The following NFASC variants were observed in gnomAD, a reference collection of about 807,000 sequenced individuals.
NFASC encodes neurofascin.
A neutral mutation model predicts 147.5 loss-of-function variants in NFASC; 43 were observed. That is an observed-to-expected ratio of 0.29 (90% CI 0.23 to 0.38). The LOEUF (loss-of-function observed/expected upper bound fraction) is 0.38. Ranked by LOEUF, NFASC falls within the 10% of genes least tolerant of loss-of-function variation. The probability of loss-of-function intolerance (pLI) is 1.00; values close to 1 mark genes in which losing one functional copy is unlikely to be tolerated. For synonymous variants in NFASC, 622 were observed against 665.5 expected (o/e 0.93, Z 1.01); for missense variants, 1,320 against 1,689.0 (o/e 0.78, Z 3.83).
At chr1:204,995,340 G>A (rs934495822) in intron 24 of NFASC, among the ~76,000 whole-genome samples, 21 of 151,786 alleles carry the variant, frequency 1.4e-4, no homozygotes, top group African/African-American at 5.1e-4. Flanking sequence ...GTGTGTGTGT[G>A]TGTGTGTGTG....
intron 20 of NFASC, 93 bp from the exon 21 acceptor site, chr1:204,981,705 A>C (rs761839791): frequency 2.5e-6 from 2 of 786,296 alleles, no homozygotes; most frequent in South Asian, 3.9e-5. Flanking sequence ...GCACATCTGG[A>C]AGGGATGCCT....
In NFASC at chr1:205,015,464, C is replaced by T. The variant is rs149096090; in HGVS notation, c.3492-844C>T. On this transcript the variant is annotated intron_variant, in intron 29 of 29. Coordinates refer to ENST00000339876, the MANE Select transcript of NFASC (RefSeq NM_001005388.3). This position sits in a 1 kb window ranked among gnomAD's most constrained non-coding sequence, Gnocchi z 4.0. ...CAGACGCTGGCTCAGAGAGCAGCCCCGCGCCTCCTCAGGAGCACAGCAGAC... is the reference window on the plus strand; with the variant it reads ...CAGACGCTGGCTCAGAGAGCAGCCCTGCGCCTCCTCAGGAGCACAGCAGAC... Among the ~76,000 whole-genome samples the T allele has an allele frequency of 3.3e-5, 5 of 152,310 alleles. 1 individual carries two copies. Among genetic ancestry groups the T allele is most frequent in the South Asian group, 4.1e-4 (2 of 4,826 alleles).
rs889210118 is a variant in NFASC at position 205,015,144 on chromosome 1, G to A, written c.3492-1164G>A. ...CGACACTGCTATTAGAAGTGAGAAC[G>A]CACTGCCCACTATAATGGCAACTCA... On this transcript the variant is annotated intron_variant, in intron 29 of 29. Transcript: ENST00000339876. The surrounding 1 kb of genome is among the most constrained non-coding windows in gnomAD (Gnocchi z 4.0). 6.6e-6 allele frequency among the ~76,000 whole-genome samples: 1 copy of A among 152,176 alleles called. No homozygotes were observed. The highest frequency in any genetic ancestry group is 2.4e-5 in the African/African-American group (1 of 41,444).
At chr1:204,960,104 G>T (rs2150101705) in intron 8 of NFASC, among the ~76,000 whole-genome samples, 1 of 152,274 alleles carries the variant, frequency 6.6e-6, no homozygotes, top group African/African-American at 2.4e-5. Flanking sequence ...GAGGACACAG[G>T]CTTTCTCTTG....
intron 8 of NFASC, among the ~76,000 whole-genome samples, chr1:204,958,689 T>C (rs563527951): frequency 6.6e-6 from 1 of 152,318 alleles, no homozygotes; most frequent in East Asian, 1.9e-4. Context: ...GTCTGACTCA[T>C]GCTGTGAGTG....
At chr1:204,910,803 C>T (rs2087254797) in intron 1 of NFASC, among the ~76,000 whole-genome samples, 1 of 149,952 alleles carries the variant, frequency 6.7e-6, no homozygotes, top group South Asian at 2.1e-4. Flanking sequence ...TTTGCCTGGC[C>T]TCATATATTA....
chr1:205,016,599 A>G lies in NFASC; in HGVS notation c.*60A>G. On this transcript the variant is annotated 3_prime_UTR_variant, in exon 30 of 30. Transcript: ENST00000339876. The surrounding 1 kb of genome is among the most constrained non-coding windows in gnomAD (Gnocchi z 5.1). ...GTGGGAGGAGGGGAGAAGGGGAGAC[A>G]AAACCACTGCAGACCTACCACGAAG... The G allele has an allele frequency of 8.1e-7, 1 of 1,233,844 alleles. No individual in the cohort carries two copies. Among genetic ancestry groups the G allele is most frequent in the Non-Finnish European group, 1.2e-6 (1 of 838,026 alleles). The allele number at this position is 1,233,844 out of a possible 1,614,324, so 76.4% of individuals were successfully genotyped here.
At chr1:204,977,798 A>T (rs2095437054) in intron 17 of NFASC, 73 bp downstream of exon 17, 1 of 1,446,788 alleles carries the variant, frequency 6.9e-7, no homozygotes, top group Non-Finnish European at 9.6e-7. Context: ...TGGGAGAAGG[A>T]AGCCACTTTG....
At chr1:204,982,319 G>A (rs2095524093) in intron 21 of NFASC, among the ~76,000 whole-genome samples, 1 of 152,224 alleles carries the variant, frequency 6.6e-6, no homozygotes, top group African/African-American at 2.4e-5. Flanking sequence ...AGTCATCAAT[G>A]TCAGTCTTGA....
chr1:204,919,464 A>C (rs763367745), intron 1 of NFASC, among the ~76,000 whole-genome samples: 2 of 152,102 alleles, frequency 1.3e-5, no homozygotes, highest in East Asian at 1.9e-4. Context: ...ATTTTCTATC[A>C]TGTGTTTTTC....
At chr1:204,938,595 A>G (rs1225631003) in intron 2 of NFASC, among the ~76,000 whole-genome samples, 1 of 152,112 alleles carries the variant, frequency 6.6e-6, no homozygotes, top group Non-Finnish European at 1.5e-5. Context: ...CAGTCTAACC[A>G]TGCAGCCAAT....
At chr1:204,928,162 T>C (rs1274699776) in intron 2 of NFASC, among the ~76,000 whole-genome samples, 1 of 152,202 alleles carries the variant, frequency 6.6e-6, no homozygotes, top group East Asian at 1.9e-4. Flanking sequence ...ATACATCCAC[T>C]CACAGATAAT....
chr1:205,009,738 C>T (rs1270759522), intron 28 of NFASC, 50 bp downstream of exon 28: 1 of 1,585,122 alleles, frequency 6.3e-7, no homozygotes, highest in Non-Finnish European at 8.6e-7. Flanking sequence ...CGTCCACTTT[C>T]CCGTGAGTCT....
At chr1:204,832,511 CAGG>C (rs1208799321) in intron 1 of NFASC, among the ~76,000 whole-genome samples, 2 of 152,100 alleles carry the variant, frequency 1.3e-5, no homozygotes, top group Non-Finnish European at 2.9e-5. Flanking sequence ...TGTTGGTAAG[CAGG>C]AGAGGTCCTT....
chr1:204,832,159 A>AT (rs1324203303), intron 1 of NFASC, among the ~76,000 whole-genome samples: 1 of 93,026 alleles, frequency 1.1e-5, no homozygotes, highest in African/African-American at 6.9e-5. Context: ...CTGTGTGAAC[A>AT]AGGTGAACCC....
At chr1:204,961,517 C>T (rs2094665631) in intron 8 of NFASC, among the ~76,000 whole-genome samples, 1 of 152,266 alleles carries the variant, frequency 6.6e-6, no homozygotes, top group African/African-American at 2.4e-5. Flanking sequence ...CATAGTGGTG[C>T]CCACCTGGGC....
intron 2 of NFASC, among the ~76,000 whole-genome samples, chr1:204,941,501 C>T (rs1202197825): frequency 6.6e-6 from 1 of 152,208 alleles, no homozygotes; most frequent in Non-Finnish European, 1.5e-5. Context: ...TCACTTCCTA[C>T]TGCTTGGCAG....
At chr1:204,836,281 G>A (rs1226081405) in intron 1 of NFASC, among the ~76,000 whole-genome samples, 2 of 151,878 alleles carry the variant, frequency 1.3e-5, no homozygotes, top group Non-Finnish European at 2.9e-5. Context: ...CTTTTTTGTT[G>A]TTCAAAGGTG....
intron 1 of NFASC, among the ~76,000 whole-genome samples, chr1:204,856,382 G>GGTGTGTGTGT (rs57653534): frequency 0.087 from 12,106 of 139,570 alleles, 607 homozygotes; most frequent in South Asian, 0.12. Flanking sequence ...ATGCAGAACA[G>GGTGTGTGTGT]GTGTGTGTGT....
Sources: allele counts gnomAD v4.1 joint callset (sites outside exome capture counted in the v4.1 genomes callset), GRCh38; gene constraint gnomAD v4.1.1; non-coding constraint Gnocchi (gnomAD v3.1); transcripts MANE v1.5; gene names NCBI Gene and HGNC (gene_info 2026-07-23, HGNC 2026-07-21).